Variants in LRRK1 observed in about 807,000 individuals in gnomAD.
LRRK1 encodes the protein leucine rich repeat kinase 1, also known as leucine-rich repeat serine/threonine-protein kinase 1.
A neutral mutation model predicts 209.1 loss-of-function variants in LRRK1; 113 were observed. The observed-to-expected ratio is 0.54, with a 90% CI of 0.46 to 0.63. The LOEUF (loss-of-function observed/expected upper bound fraction) is 0.63, where lower values mean the gene tolerates loss of function less well. LRRK1 is among the 30% of genes least tolerant of loss of function. The pLI, the probability that LRRK1 is intolerant of heterozygous loss-of-function variation, is 0.00. For synonymous variants in LRRK1, 1,144 were observed against 1,099.7 expected, an observed-to-expected ratio of 1.04 and a Z score of -0.80; for missense variants, 2,284 against 2,632.2, an observed-to-expected ratio of 0.87 and a Z score of 2.89.
Position 101,077,046 on chromosome 15 carries a change from G to C in LRRK1, c.*8198G>C, listed in dbSNP as rs1169497360. The C allele has an allele frequency of 6.6e-6, 1 of 152,160 alleles. No individual in the cohort carries two copies. Among genetic ancestry groups the C allele is most frequent in the Non-Finnish European group, 1.5e-5 (1 of 68,034 alleles). The allele number at this position is 152,160 out of a possible 1,614,324, so 9.4% of individuals were successfully genotyped here. A position where few individuals can be genotyped will look rare whatever the true frequency, so the allele number is the denominator to read the frequency against. On this transcript the variant is annotated 3_prime_UTR_variant, in exon 34 of 34. Coordinates refer to ENST00000388948, the MANE Select transcript of LRRK1 (RefSeq NM_024652.6). ...CTTACAGTCCTCAGCCTTCAGGAAA[G>C]GTAGAACGGACTAATGATCTTTTAA... is the stretch of plus-strand genomic sequence containing the variant.
intron 22 of LRRK1, chr15:101,049,411 A>G: frequency 4.3e-6 from 2 of 463,098 alleles, no homozygotes; most frequent in Non-Finnish European, 7.6e-6. Flanking sequence ...TCCCAGGCTG[A>G]GCGTCCCTGA....
intron 20 of LRRK1, among the ~76,000 whole-genome samples, chr15:101,031,748 T>A (rs940548024): frequency 1.3e-5 from 2 of 152,004 alleles, no homozygotes; most frequent in Non-Finnish European, 2.9e-5. Context: ...ATTTTTTTTT[T>A]TTTTGAGATG....
chr15:100,996,637 G>A (rs2032425844), intron 6 of LRRK1, among the ~76,000 whole-genome samples: 1 of 152,192 alleles, frequency 6.6e-6, no homozygotes, highest in Admixed American at 6.5e-5. Context: ...GGAGACAAAT[G>A]TGATGCTATC....
At position 101,026,026 on chromosome 15, in the gene LRRK1, A is replaced by G. The variant is rs1200186227; in HGVS notation, c.2294A>G (p.Lys765Arg). The change falls in exon 17 of 34, where the codon AAG becomes AGG. Residue 765 changes from lysine to arginine, a missense_variant. Around this residue, in one of 6 missense-constraint regions of LRRK1, gnomAD observed 780 missense variants for 985.2 expected, o/e 0.79. Coordinates refer to ENST00000388948, the MANE Select transcript of LRRK1 (RefSeq NM_024652.6). Reference protein sequence around the residue: ...VGTHLDLIEAKFRVERIATLR... With the variant: ...VGTHLDLIEARFRVERIATLR... ...ACGCACCTGGATTTAATTGAAGCCA[A>G]GTTCCGTGTGGAAAGGATTGCAACG... 9.3e-6 allele frequency: 15 copies of G among 1,614,142 alleles called. No homozygotes were observed. The highest frequency in any genetic ancestry group is 8.5e-6 in the Non-Finnish European group (10 of 1,180,060).
chr15:101,003,343 C>G (rs1437862594), intron 6 of LRRK1, among the ~76,000 whole-genome samples: 2 of 152,168 alleles, frequency 1.3e-5, no homozygotes, highest in African/African-American at 4.8e-5. Context: ...CTACAGAGAG[C>G]TCTGGGAACA....
rs143623976 is a variant in LRRK1, at chr15:101,060,023, T to C, written c.4680-1148T>C. On this transcript the variant is annotated intron_variant, in intron 29 of 33. Transcript: ENST00000388948. ...CCTGAGACAGTTCCGCTCAGGGCTC[T>C]GAAGACTCATCCCAGAGGGAAGACA... Among the ~76,000 whole-genome samples the C allele has an allele frequency of 2.9e-4, 44 of 152,334 alleles. 1 individual carries two copies. The East Asian group carries it at 7.3e-3, about 25-fold the overall frequency.
intron 4 of LRRK1, among the ~76,000 whole-genome samples, chr15:100,984,827 C>T (rs557456816): frequency 2.4e-4 from 36 of 152,200 alleles, no homozygotes; most frequent in Admixed American, 7.2e-4. Context: ...AGGCAGGCAT[C>T]GCTACAGCTA....
intron 2 of LRRK1, among the ~76,000 whole-genome samples, chr15:100,971,333 CAAA>C (rs11342420): frequency 1.9e-4 from 22 of 118,556 alleles, no homozygotes; most frequent in Admixed American, 5.0e-4. Context: ...AACTGTGTCT[CAAA>C]AAAAAAAAAA....
Position 101,027,763 on chromosome 15 carries a change from C to A in LRRK1, c.2652C>A (p.Asp884Glu). ...AGCAGCTGGTGGAGCAGACGCCCGA[C>A]AACGACATCAAGGACTACGAGGACC... ...QLEQLVEQTP[D>E]NDIKDYEDLQ... is the part of the protein sequence containing the mutation. The change falls in exon 19 of 34, where the codon GAC becomes GAA. Residue 884 changes from aspartate to glutamate, a missense_variant. Around this residue, in one of 6 missense-constraint regions of LRRK1, gnomAD observed 780 missense variants for 985.2 expected, o/e 0.79. Transcript: ENST00000388948. The surrounding 1 kb of genome is among the most constrained non-coding windows in gnomAD (Gnocchi z 5.1). 6.3e-7 allele frequency: 1 copy of A among 1,599,932 alleles called. No homozygotes were observed. Among genetic ancestry groups the A allele is most frequent in the Non-Finnish European group, 8.5e-7 (1 of 1,173,548 alleles).
At chr15:100,942,157 G>A (rs2042450948) in intron 2 of LRRK1, among the ~76,000 whole-genome samples, 1 of 152,204 alleles carries the variant, frequency 6.6e-6, no homozygotes, top group East Asian at 1.9e-4. Flanking sequence ...GCATCTCCAA[G>A]GTGTGCACTT....
chr15:100,987,230 A>G (rs1334877452), intron 4 of LRRK1, among the ~76,000 whole-genome samples: 1 of 152,146 alleles, frequency 6.6e-6, no homozygotes, highest in Non-Finnish European at 1.5e-5. Flanking sequence ...TTTCCTGATC[A>G]ATGTCCTGTC....
chr15:100,970,071 G>A (rs2030761180), intron 2 of LRRK1, among the ~76,000 whole-genome samples: 1 of 152,058 alleles, frequency 6.6e-6, no homozygotes, highest in Admixed American at 6.5e-5. Flanking sequence ...TGTATTTTTA[G>A]TAGAGACGGG....
chr15:100,939,392 C>T (rs969201228), intron 2 of LRRK1, among the ~76,000 whole-genome samples: 1 of 152,170 alleles, frequency 6.6e-6, no homozygotes, highest in Non-Finnish European at 1.5e-5. Context: ...CCCACCTTCC[C>T]TATGTTTTTG....
intron 12 of LRRK1, among the ~76,000 whole-genome samples, chr15:101,018,867 G>A (rs867261869): frequency 1.2e-4 from 18 of 152,270 alleles, no homozygotes; most frequent in South Asian, 8.3e-4. Flanking sequence ...TCCTCAGTAG[G>A]GTTATTCTCC....
intron 22 of LRRK1, 149 bp downstream of exon 22, chr15:101,048,806 C>T: frequency 1.6e-6 from 1 of 608,650 alleles, no homozygotes; most frequent in East Asian, 3.3e-5. Context: ...AAATGTGAGG[C>T]CCTCCCACGA....
At chr15:101,064,924 C>G (rs542423530) in intron 31 of LRRK1, 83 of 211,670 alleles carry the variant, frequency 3.9e-4, no homozygotes, top group Non-Finnish European at 5.9e-4. Flanking sequence ...TTGCCATGCC[C>G]CCACTGCTGT....
rs2034052425 is a variant in LRRK1, at chr15:101,026,790, C to T, written c.2406-471C>T. 2.0e-5 allele frequency among the ~76,000 whole-genome samples: 3 copies of T among 152,210 alleles called. No individual in the cohort carries two copies. In the South Asian group the frequency reaches 6.2e-4, roughly 31 times the overall value. ...TGCACTGATGGCTCTCAGATTCCCTCGCCCGGGGCAGAGCGCCACGGGTAT... is the reference window on the plus strand; with the variant it reads ...TGCACTGATGGCTCTCAGATTCCCTTGCCCGGGGCAGAGCGCCACGGGTAT... On this transcript the variant is annotated intron_variant, in intron 17 of 33. Transcript: ENST00000388948.
intron 2 of LRRK1, among the ~76,000 whole-genome samples, chr15:100,932,134 C>T (rs2042223815): frequency 6.6e-6 from 1 of 152,096 alleles, no homozygotes; most frequent in South Asian, 2.1e-4. Context: ...TACAGGCACT[C>T]GCCACCACGC....
intron 2 of LRRK1, among the ~76,000 whole-genome samples, chr15:100,970,565 T>C (rs1293060571): frequency 6.6e-6 from 1 of 152,238 alleles, no homozygotes; most frequent in East Asian, 1.9e-4. Context: ...TTTGGAAGGA[T>C]AATGGCTTCC....
Sources: allele counts gnomAD v4.1 joint callset (sites outside exome capture counted in the v4.1 genomes callset), GRCh38; gene constraint gnomAD v4.1.1; regional missense constraint gnomAD v4.1.1; non-coding constraint Gnocchi (gnomAD v3.1); transcripts MANE v1.5; gene names NCBI Gene and HGNC (gene_info 2026-07-23, HGNC 2026-07-21).